The following DIP2C variants were observed in gnomAD, a reference collection of about 807,000 sequenced individuals.
The protein encoded by DIP2C is disco-interacting protein 2 homolog C.
In DIP2C, 33 loss-of-function variants were observed where a neutral mutation model predicts 192.4. The ratio of observed to expected loss-of-function variants is 0.17; its 90% confidence interval spans 0.13 to 0.23. The LOEUF (loss-of-function observed/expected upper bound fraction) is 0.23, where lower values mean the gene tolerates loss of function less well. DIP2C is among the 10% of genes least tolerant of loss of function. The pLI is 1.00. For missense variants in DIP2C, 1,537 were observed against 2,110.1 expected (o/e 0.73, Z 5.32); for synonymous variants, 979 against 864.1 (o/e 1.13, Z -2.33).
chr10:288,684 C>A (rs1449210057), intron 32 of DIP2C, among the ~76,000 whole-genome samples: 2 of 152,174 alleles, frequency 1.3e-5, no homozygotes, highest in Non-Finnish European at 2.9e-5. Flanking sequence ...CTGAAAGTAA[C>A]CATGAGTCCA....
At chr10:582,639 A>G (rs1850740685) in intron 1 of DIP2C, among the ~76,000 whole-genome samples, 1 of 152,194 alleles carries the variant, frequency 6.6e-6, no homozygotes, top group Non-Finnish European at 1.5e-5. Flanking sequence ...GGTGGAGGAA[A>G]CACCGCAGAA....
At chr10:557,092 C>A (rs1848919335) in intron 1 of DIP2C, among the ~76,000 whole-genome samples, 2 of 152,234 alleles carry the variant, frequency 1.3e-5, no homozygotes, top group Non-Finnish European at 2.9e-5. Context: ...CGGGACACGG[C>A]CAGGAGACCG....
chr10:385,480 A>G (rs1366141377), intron 14 of DIP2C, among the ~76,000 whole-genome samples: 1 of 152,192 alleles, frequency 6.6e-6, no homozygotes, highest in African/African-American at 2.4e-5. Flanking sequence ...TCAAAGCCTA[A>G]TTCTTCCCGG....
Position 651,540 on chromosome 10 carries a change from T to C in DIP2C, c.85+37954A>G. The C allele has an allele frequency of 6.5e-6, 3 of 462,576 alleles. No homozygotes were observed. Among genetic ancestry groups the C allele is most frequent in the Non-Finnish European group, 1.2e-5 (3 of 248,230 alleles). 28.7% of individuals were successfully genotyped at this position (462,576 alleles called of 1,614,324 possible). On this transcript the variant is annotated intron_variant, in intron 1 of 36. Transcript: ENST00000280886. This position sits in a 1 kb window ranked among gnomAD's most constrained non-coding sequence, Gnocchi z 4.1. ...GGTATTATGCAAAAAAAGCTTAACT[T>C]TGTTTCAGTGCCTTTCCAGTTAAAT...
chr10:561,854 A>G (rs1383324449), intron 1 of DIP2C, among the ~76,000 whole-genome samples: 1 of 152,122 alleles, frequency 6.6e-6, no homozygotes, highest in Non-Finnish European at 1.5e-5. Flanking sequence ...GATACTGACA[A>G]TTCCTCTTCT....
chr10:498,429 G>A (rs11252792), intron 1 of DIP2C, among the ~76,000 whole-genome samples: 57,607 of 151,928 alleles, frequency 0.38, 12,045 homozygotes, highest in Non-Finnish European at 0.49. Context: ...AGCAGTCCGG[G>A]CCACAGAAGC....
At chr10:580,106 C>T (rs1470062640) in intron 1 of DIP2C, among the ~76,000 whole-genome samples, 3 of 152,114 alleles carry the variant, frequency 2.0e-5, no homozygotes, top group African/African-American at 7.2e-5. Flanking sequence ...TTTGTATGTA[C>T]ATAGGTATAA....
At chr10:609,553 G>GT (rs972569912) in intron 1 of DIP2C, among the ~76,000 whole-genome samples, 5 of 152,078 alleles carry the variant, frequency 3.3e-5, no homozygotes, top group Non-Finnish European at 7.4e-5. Flanking sequence ...AAAAAACAAT[G>GT]TAAGTCATCT....
rs147032798 is a variant in DIP2C, at chr10:357,074, G to T, written c.2905-568C>A. On this transcript the variant is annotated intron_variant, in intron 23 of 36. Transcript: ENST00000280886. ...AGGGGCAGCCTTATTTCACATCAGG[G>T]TACAGAAAAACCCACAGATAAGGTT... is the stretch of plus-strand genomic sequence containing the variant. 1.2e-4 allele frequency among the ~76,000 whole-genome samples: 18 copies of T among 152,294 alleles called. No individual in the cohort carries two copies. In the East Asian group the frequency reaches 2.1e-3, roughly 18 times the overall value.
At chr10:406,528 A>T (rs1964818161) in intron 9 of DIP2C, among the ~76,000 whole-genome samples, 6 of 151,000 alleles carry the variant, frequency 4.0e-5, no homozygotes, top group Admixed American at 3.9e-4. Context: ...GATCAGACCT[A>T]ACCAACTCCA....
intron 1 of DIP2C, among the ~76,000 whole-genome samples, chr10:615,840 A>G (rs1853436004): frequency 6.6e-6 from 1 of 152,114 alleles, no homozygotes; most frequent in African/African-American, 2.4e-5. Flanking sequence ...CACTTCACCC[A>G]AAAGGGCTTT....
At chr10:499,571 A>G (rs915412044) in intron 1 of DIP2C, among the ~76,000 whole-genome samples, 1 of 152,180 alleles carries the variant, frequency 6.6e-6, no homozygotes, top group Non-Finnish European at 1.5e-5. Context: ...AGTACCATAT[A>G]ATATCTGACA....
intron 6 of DIP2C, among the ~76,000 whole-genome samples, chr10:417,870 C>T (rs1432749238): frequency 9.5e-6 from 1 of 104,730 alleles, no homozygotes; most frequent in African/African-American, 4.2e-5. Flanking sequence ...TCGGACAGGC[C>T]TCCCTGTCCA....
At chr10:404,091 T>C (rs1315621734) in intron 9 of DIP2C, among the ~76,000 whole-genome samples, 6 of 152,040 alleles carry the variant, frequency 3.9e-5, no homozygotes, top group African/African-American at 1.4e-4. Flanking sequence ...TCCTATGATT[T>C]TACATGTGTG....
At position 636,700 on chromosome 10, in the gene DIP2C, C is replaced by T. The variant is rs1355304096; in HGVS notation, c.85+52794G>A. 6.6e-6 allele frequency among the ~76,000 whole-genome samples: 1 copy of T among 152,252 alleles called. No individual in the cohort carries two copies. The highest frequency in any genetic ancestry group is 1.5e-5 in the Non-Finnish European group (1 of 68,042). On this transcript the variant is annotated intron_variant, in intron 1 of 36. Coordinates refer to ENST00000280886, the MANE Select transcript of DIP2C (RefSeq NM_014974.3). The surrounding 1 kb of genome is among the most constrained non-coding windows in gnomAD (Gnocchi z 4.6). ...CCCATCTTCGTCAGGGACAGCCTCA[C>T]ACCCTTTATCTGTGATGACTTTTCG...
intron 1 of DIP2C, among the ~76,000 whole-genome samples, chr10:540,641 G>C (rs1459411619): frequency 2.0e-5 from 3 of 152,224 alleles, no homozygotes; most frequent in African/African-American, 7.2e-5. Flanking sequence ...ATCGTGGCAT[G>C]ACAGTGTGAA....
At chr10:564,443 T>C (rs914011033) in intron 1 of DIP2C, among the ~76,000 whole-genome samples, 1 of 152,098 alleles carries the variant, frequency 6.6e-6, no homozygotes, top group Non-Finnish European at 1.5e-5. Flanking sequence ...TAAGAACCAT[T>C]GTTCCACATA....
chr10:452,153 C>T (rs1348899848), intron 3 of DIP2C, among the ~76,000 whole-genome samples: 1 of 152,112 alleles, frequency 6.6e-6, no homozygotes, highest in Non-Finnish European at 1.5e-5. Context: ...CAGAAGACAG[C>T]AACACAAACC....
intron 11 of DIP2C, 150 bp downstream of exon 11, chr10:390,590 A>T: frequency 7.3e-7 from 1 of 1,370,854 alleles, no homozygotes; most frequent in Non-Finnish European, 1.0e-6. Flanking sequence ...CGGCTGTGTC[A>T]TCAGGGACGA....
Sources: gnomAD v4.1 joint callset for allele counts (sites outside exome capture counted in the v4.1 genomes callset) on GRCh38, gnomAD v4.1.1 for gene constraint, Gnocchi (gnomAD v3.1) non-coding constraint, MANE v1.5 for transcripts, NCBI Gene and HGNC (gene_info 2026-07-23, HGNC 2026-07-21) for gene names.